The following TAF2 variants were observed in gnomAD, a reference collection of about 807,000 sequenced individuals.
TAF2 encodes transcription initiation factor TFIID subunit 2.
A neutral mutation model predicts 138.5 loss-of-function variants in TAF2; 61 were observed. That is an observed-to-expected ratio of 0.44 (90% CI 0.36 to 0.54). TAF2 has a LOEUF of 0.54. TAF2 is among the 20% of genes least tolerant of loss of function. TAF2 has a pLI of 0.00. For missense variants in TAF2, 1,090 were observed against 1,427.9 expected (o/e 0.76, Z 3.81); for synonymous variants, 475 against 469.9 (o/e 1.01, Z -0.14).
rs1006293617 is a variant in TAF2 at position 119,780,156 on chromosome 8, A to C, written c.2253+897T>G. On this transcript the variant is annotated intron_variant, in intron 17 of 25. Transcript: ENST00000378164. ...TAATCTGATCTCTGCCTTCATTATGAAATTACTAAAAAAAAACCTCTATGT... is the reference window on the plus strand; with the variant it reads ...TAATCTGATCTCTGCCTTCATTATGCAATTACTAAAAAAAAACCTCTATGT... Among the ~76,000 whole-genome samples, 13 of 152,236 alleles carry C rather than the reference A, an allele frequency of 8.5e-5. No homozygotes were observed. The East Asian group carries it at 1.5e-3, about 18-fold the overall frequency.
intron 10 of TAF2, chr8:119,791,947 T>C (rs1456239426): frequency 1.3e-5 from 2 of 153,032 alleles, no homozygotes; most frequent in Non-Finnish European, 2.9e-5. Flanking sequence ...AATGACTACA[T>C]AAAAATTAAA....
intron 3 of TAF2, among the ~76,000 whole-genome samples, chr8:119,812,515 T>C (rs1825143456): frequency 6.6e-6 from 1 of 152,146 alleles, no homozygotes; most frequent in African/African-American, 2.4e-5. Flanking sequence ...CAGACTTCTA[T>C]CACTCTGTAT....
At chr8:119,761,054 T>A (rs536678056) in intron 19 of TAF2, among the ~76,000 whole-genome samples, 2 of 152,288 alleles carry the variant, frequency 1.3e-5, no homozygotes, top group South Asian at 4.1e-4. Flanking sequence ...GTCCTATACC[T>A]TCACATTCAC....
chr8:119,746,621 T>C, intron 23 of TAF2, 84 bp downstream of exon 23: 1 of 1,403,278 alleles, frequency 7.1e-7, no homozygotes, highest in Non-Finnish European at 1.0e-6. Flanking sequence ...GGCTATAAAA[T>C]TCACTAGTTC....
At chr8:119,766,601 C>A (rs886497129) in intron 18 of TAF2, among the ~76,000 whole-genome samples, 2 of 151,998 alleles carry the variant, frequency 1.3e-5, no homozygotes, top group African/African-American at 4.8e-5. Context: ...ACAAGCCTGG[C>A]CAAAACAGTG....
At chr8:119,748,618 T>C (rs1175854321) in intron 22 of TAF2, among the ~76,000 whole-genome samples, 2 of 152,136 alleles carry the variant, frequency 1.3e-5, no homozygotes, top group Non-Finnish European at 2.9e-5. Flanking sequence ...TGGAAACCCA[T>C]TTTCCCTTCC....
intron 16 of TAF2, among the ~76,000 whole-genome samples, chr8:119,781,453 G>GA (rs937435858): frequency 6.6e-6 from 1 of 152,114 alleles, no homozygotes; most frequent in African/African-American, 2.4e-5. Flanking sequence ...CGAGGCGGGT[G>GA]AATCACCTGA....
chr8:119,788,583 T>C, intron 13 of TAF2, 136 bp from the exon 14 acceptor site: 1 of 805,406 alleles, frequency 1.2e-6, no homozygotes, highest in South Asian at 1.5e-5. Context: ...GATAGGCAAT[T>C]GGTGCCAAAG....
chr8:119,793,309 G>A (rs896120473), intron 10 of TAF2, 57 bp downstream of exon 10: 198 of 1,415,752 alleles, frequency 1.4e-4, no homozygotes, highest in Non-Finnish European at 2.0e-4. Context: ...CTCTTAAATG[G>A]AATAATTGTT....
intron 18 of TAF2, among the ~76,000 whole-genome samples, chr8:119,770,790 G>A (rs998463391): frequency 3.3e-5 from 5 of 152,156 alleles, no homozygotes; most frequent in African/African-American, 1.2e-4. Context: ...AATATATAGA[G>A]TGGCCAGGTG....
intron 18 of TAF2, among the ~76,000 whole-genome samples, chr8:119,773,082 T>C (rs1198965035): frequency 7.6e-6 from 1 of 131,530 alleles, no homozygotes; most frequent in East Asian, 2.1e-4. Context: ...AAAGCAAGCT[T>C]GGATTTTCTC....
chr8:119,756,199 T>G (rs1445939189), intron 21 of TAF2, 84 bp from the exon 22 acceptor site: 2 of 864,340 alleles, frequency 2.3e-6, no homozygotes, highest in African/African-American at 3.3e-5. Context: ...CACTGAAAAA[T>G]TATCTGTAGT....
chr8:119,778,906 T>A (rs527533929), intron 17 of TAF2, among the ~76,000 whole-genome samples: 1 of 152,160 alleles, frequency 6.6e-6, no homozygotes, highest in East Asian at 1.9e-4. Flanking sequence ...TGGCGAGATA[T>A]GGACTAGCCC....
chr8:119,810,068 G>T (rs1361665527), intron 3 of TAF2, among the ~76,000 whole-genome samples: 5 of 150,844 alleles, frequency 3.3e-5, no homozygotes, highest in African/African-American at 7.3e-5. Flanking sequence ...AATAAAGGAG[G>T]TATGCCTGTG....
Position 119,731,845 on chromosome 8 carries a change from T to C in TAF2, c.*79A>G, listed in dbSNP as rs927119966. The C allele has an allele frequency of 2.1e-6, 3 of 1,429,142 alleles. No individual in the cohort carries two copies. Among genetic ancestry groups the C allele is most frequent in the Non-Finnish European group, 3.0e-6 (3 of 1,014,232 alleles). The allele number at this position is 1,429,142 out of a possible 1,614,324, so 88.5% of individuals were successfully genotyped here. ...GGCGAATCCTTTCCCCCCTCCCTTTTATAATTCTTCACAGAGGACAAAGCT... is the reference window on the plus strand; with the variant it reads ...GGCGAATCCTTTCCCCCCTCCCTTTCATAATTCTTCACAGAGGACAAAGCT... On this transcript the variant is annotated 3_prime_UTR_variant, in exon 26 of 26. Coordinates refer to ENST00000378164, the MANE Select transcript of TAF2 (RefSeq NM_003184.4).
At chr8:119,805,686 C>A (rs1219604684) in intron 4 of TAF2, among the ~76,000 whole-genome samples, 3 of 151,570 alleles carry the variant, frequency 2.0e-5, no homozygotes, top group Admixed American at 6.6e-5. Context: ...CCCTGGGCAA[C>A]AAGAGCGAAA....
At chr8:119,796,836 G>A (rs1029320519) in intron 8 of TAF2, among the ~76,000 whole-genome samples, 154 bp downstream of exon 8, 1 of 151,826 alleles carries the variant, frequency 6.6e-6, no homozygotes, top group South Asian at 2.1e-4. Context: ...AAGTTAGGAT[G>A]AAACTTATAA....
chr8:119,767,974 G>A lies in TAF2; in HGVS notation c.2365-5366C>T, dbSNP rs923158759. On this transcript the variant is annotated intron_variant, in intron 18 of 25. Coordinates refer to ENST00000378164, the MANE Select transcript of TAF2 (RefSeq NM_003184.4). ...AGGGAGAGAGGGGGAGGCTGAGCAC[G>A]TTTGCATGTCCCCAACAGCGAAATA... Among the ~76,000 whole-genome samples the A allele has an allele frequency of 2.9e-4, 44 of 152,172 alleles. 1 individual carries two copies. The highest frequency in any genetic ancestry group is 8.0e-4 in the African/African-American group (33 of 41,434).
chr8:119,811,780 T>TG (rs1306276004), intron 3 of TAF2, among the ~76,000 whole-genome samples: 1 of 123,280 alleles, frequency 8.1e-6, no homozygotes, highest in Non-Finnish European at 1.6e-5. Flanking sequence ...CAGTCCAGCT[T>TG]GGGCGAAAGA....
Sources: gnomAD v4.1 joint callset for allele counts (sites outside exome capture counted in the v4.1 genomes callset) on GRCh38, gnomAD v4.1.1 for gene constraint, MANE v1.5 for transcripts, NCBI Gene and HGNC (gene_info 2026-07-23, HGNC 2026-07-21) for gene names.